The following DLG2 variants were observed in gnomAD, a reference collection of about 807,000 sequenced individuals.
DLG2 encodes the protein disks large homolog 2.
In DLG2, 45 loss-of-function variants were observed where a neutral mutation model predicts 132.5. The observed-to-expected ratio is 0.34, with a 90% CI of 0.27 to 0.44. DLG2 has a LOEUF of 0.44. Among genes scored for constraint, DLG2 ranks in the 20% least tolerant of loss-of-function variants. The pLI, the probability that DLG2 is intolerant of heterozygous loss-of-function variation, is 1.00. For synonymous variants in DLG2, 424 were observed against 419.6 expected (o/e 1.01, Z -0.13); for missense variants, 1,045 against 1,196.9 (o/e 0.87, Z 1.87).
chr11:84,169,872 CAAA>C (rs11358686), intron 8 of DLG2, among the ~76,000 whole-genome samples: 7 of 141,584 alleles, frequency 4.9e-5, no homozygotes, highest in Admixed American at 7.1e-5. Flanking sequence ...GACTTGGTCT[CAAA>C]AAAAAAAAAA....
intron 7 of DLG2, among the ~76,000 whole-genome samples, chr11:84,423,553 G>A (rs2098957355): frequency 6.6e-6 from 1 of 152,066 alleles, no homozygotes; most frequent in Non-Finnish European, 1.5e-5. Context: ...ATCACACTAT[G>A]TTGCAATTGC....
intron 6 of DLG2, among the ~76,000 whole-genome samples, chr11:84,842,189 A>G (rs1027624389): frequency 1.3e-5 from 2 of 152,016 alleles, no homozygotes; most frequent in Admixed American, 1.3e-4. Flanking sequence ...TAACCTTCCA[A>G]TAATAAAGAC....
At chr11:85,486,584 G>A (rs1345701993) in intron 3 of DLG2, among the ~76,000 whole-genome samples, 1 of 151,992 alleles carries the variant, frequency 6.6e-6, no homozygotes, top group African/African-American at 2.4e-5. Context: ...TTGAGGTCAG[G>A]CTGACCCAAC....
intron 19 of DLG2, among the ~76,000 whole-genome samples, chr11:83,618,487 C>T (rs892471463): frequency 3.9e-5 from 6 of 152,092 alleles, no homozygotes; most frequent in African/African-American, 1.2e-4. Context: ...GATTTACAAA[C>T]GTTATTCCTC....
At chr11:83,701,512 G>A (rs751201846) in intron 18 of DLG2, among the ~76,000 whole-genome samples, 107 of 152,222 alleles carry the variant, frequency 7.0e-4, no homozygotes, top group Non-Finnish European at 1.2e-3. Flanking sequence ...AGGAAATTGA[G>A]GAAGAATAAG....
intron 6 of DLG2, among the ~76,000 whole-genome samples, chr11:84,866,945 G>C (rs1054950791): frequency 6.6e-6 from 1 of 152,160 alleles, no homozygotes; most frequent in Non-Finnish European, 1.5e-5. Flanking sequence ...AAAGGCAGGG[G>C]CCATAGTTGT....
At chr11:85,279,075 G>A (rs2078073637) in intron 4 of DLG2, among the ~76,000 whole-genome samples, 1 of 152,094 alleles carries the variant, frequency 6.6e-6, no homozygotes, top group African/African-American at 2.4e-5. Flanking sequence ...CTTTATAACT[G>A]ATATCCAAAA....
chr11:83,474,257 C>T (rs528400996), intron 22 of DLG2, among the ~76,000 whole-genome samples: 1 of 152,198 alleles, frequency 6.6e-6, no homozygotes, highest in East Asian at 1.9e-4. Context: ...GAATAAACTA[C>T]TGAAATGTAC....
chr11:84,943,538 A>G (rs1002266264), intron 6 of DLG2, among the ~76,000 whole-genome samples: 19 of 152,124 alleles, frequency 1.2e-4, no homozygotes, highest in Middle Eastern at 3.2e-3. Flanking sequence ...AGGTTTGCAA[A>G]TAATGCCTCG....
chr11:83,833,265 C>G (rs2055094478), intron 17 of DLG2, among the ~76,000 whole-genome samples: 1 of 152,124 alleles, frequency 6.6e-6, no homozygotes, highest in Non-Finnish European at 1.5e-5. Context: ...TGGCGAAACC[C>G]TGTCTTTACT....
At chr11:84,303,930 A>G (rs568761444) in intron 7 of DLG2, among the ~76,000 whole-genome samples, 1 of 152,340 alleles carries the variant, frequency 6.6e-6, no homozygotes, top group South Asian at 2.1e-4. Flanking sequence ...GTATTAATAT[A>G]CATTCAGAAA....
At chr11:83,833,555 G>T in intron 17 of DLG2, 59 bp downstream of exon 17, 1 of 1,502,402 alleles carries the variant, frequency 6.7e-7, no homozygotes, top group South Asian at 1.4e-5. Context: ...TGAAAGTTAT[G>T]ACTTTTTCAT....
At chr11:84,642,141 T>TGTGTGTGTGTGC in intron 6 of DLG2, among the ~76,000 whole-genome samples, 1 of 144,078 alleles carries the variant, frequency 6.9e-6, no homozygotes, top group African/African-American at 2.7e-5. Flanking sequence ...TGTGTGTGTG[T>TGTGTGTGTGTGC]GTATTAAAAA....
intron 11 of DLG2, among the ~76,000 whole-genome samples, chr11:84,031,467 A>G (rs779268967): frequency 2.0e-5 from 3 of 152,162 alleles, no homozygotes; most frequent in Non-Finnish European, 4.4e-5. Context: ...CTGAGATTGT[A>G]TCAAAAGGAG....
chr11:85,261,280 G>A (rs77659665), intron 4 of DLG2, among the ~76,000 whole-genome samples: 1 of 152,088 alleles, frequency 6.6e-6, no homozygotes, highest in African/African-American at 2.4e-5. Context: ...AGAATGTTGT[G>A]CTAGTTGTTT....
intron 6 of DLG2, among the ~76,000 whole-genome samples, chr11:84,843,986 T>C (rs528631564): frequency 2.7e-5 from 4 of 150,056 alleles, no homozygotes; most frequent in Admixed American, 6.7e-5. Flanking sequence ...TAGATACATA[T>C]ATAAAGGTGA....
intron 21 of DLG2, among the ~76,000 whole-genome samples, chr11:83,498,754 AC>A (rs2094291098): frequency 6.8e-6 from 1 of 146,448 alleles, no homozygotes; most frequent in African/African-American, 2.5e-5. Context: ...AATTAACAAA[AC>A]AAAGTGGGGA....
At chr11:83,633,471 C>G (rs1042781235) in intron 18 of DLG2, 146 bp from the exon 19 acceptor site, 1 of 635,714 alleles carries the variant, frequency 1.6e-6, no homozygotes, top group African/African-American at 1.8e-5. Context: ...TGCCTGTTTC[C>G]TATTATTTAT....
At chr11:85,373,698 G>A (rs942945544) in intron 3 of DLG2, among the ~76,000 whole-genome samples, 2 of 152,150 alleles carry the variant, frequency 1.3e-5, no homozygotes, top group Non-Finnish European at 1.5e-5. Context: ...CCTTGTAAGA[G>A]TCCCTGTTTT....
Sources: allele counts gnomAD v4.1 joint callset (sites outside exome capture counted in the v4.1 genomes callset), GRCh38; gene constraint gnomAD v4.1.1; transcripts MANE v1.5; gene names NCBI Gene and HGNC (gene_info 2026-07-23, HGNC 2026-07-21).